The following CNOT1 variants were observed in gnomAD, a reference collection of about 807,000 sequenced individuals.
CNOT1 encodes the protein CCR4-associated factor 1.
A neutral mutation model predicts 273.8 loss-of-function variants in CNOT1; 15 were observed. That is an observed-to-expected ratio of 0.05 (90% CI 0.04 to 0.08). The LOEUF is 0.08. Ranked by LOEUF, CNOT1 falls within the 10% of genes least tolerant of loss-of-function variation. The probability of loss-of-function intolerance (pLI) is 1.00; values close to 1 mark genes in which losing one functional copy is unlikely to be tolerated. For synonymous variants in CNOT1, 1,022 were observed against 1,005.5 expected, an observed-to-expected ratio of 1.02 and a Z score of -0.31; for missense variants, 1,644 against 2,912.2, an observed-to-expected ratio of 0.56 and a Z score of 10.02.
At chr16:58,539,607 GACT>G (rs1385799566) in intron 35 of CNOT1, among the ~76,000 whole-genome samples, 158 bp downstream of exon 35, 1 of 138,952 alleles carries the variant, frequency 7.2e-6, no homozygotes, top group Non-Finnish European at 1.5e-5. Context: ...AAACTGCCAT[GACT>G]ACATTCTACG....
chr16:58,621,637 G>C (rs540485828), intron 1 of CNOT1, among the ~76,000 whole-genome samples: 2 of 150,908 alleles, frequency 1.3e-5, no homozygotes, highest in South Asian at 4.2e-4. Flanking sequence ...ACACCACCAT[G>C]GCCGGGCATG....
chr16:58,577,091 CTT>C (rs11287356), intron 13 of CNOT1, among the ~76,000 whole-genome samples: 1,689 of 147,676 alleles, frequency 0.011, 18 homozygotes, highest in Middle Eastern at 0.042. Flanking sequence ...AATTCCATTT[CTT>C]TTTTTTTTTT....
chr16:58,555,738 A>C, intron 20 of CNOT1, 46 bp downstream of exon 20: 1 of 1,607,908 alleles, frequency 6.2e-7, no homozygotes, highest in Non-Finnish European at 8.5e-7. Flanking sequence ...ACATTTATTT[A>C]AGACTGGCCT....
Position 58,601,734 on chromosome 16 carries a change from T to TAAAAAAAAAAAAAAAAA in CNOT1, c.-174-2240_-174-2224dup, listed in dbSNP as rs66711143. 2.6e-4 allele frequency among the ~76,000 whole-genome samples: 24 copies of TAAAAAAAAAAAAAAAAA among 91,510 alleles called. 3 individuals carry two copies. The highest frequency in any genetic ancestry group is 4.5e-4 in the Non-Finnish European group (20 of 44,836). The allele number at this position is 91,510 out of a possible 152,430, so 60.0% of individuals were successfully genotyped here. A position where few individuals can be genotyped will look rare whatever the true frequency, so the allele number is the denominator to read the frequency against. The stretch of plus-strand genomic sequence containing the variant: ...ATATGCTAGTGCTCCATACCCACCT[T>TAAAAAAAAAAAAAAAAA]AAAAAAAAAAAAAAAAAAAAGCCTG... On this transcript the variant is annotated intron_variant, in intron 1 of 48. Transcript: ENST00000317147.
chr16:58,610,532 C>T (rs540080039), intron 1 of CNOT1, among the ~76,000 whole-genome samples: 17 of 152,122 alleles, frequency 1.1e-4, no homozygotes, highest in Non-Finnish European at 1.9e-4. Flanking sequence ...GGTGAAATTC[C>T]GTCTCTACTA....
chr16:58,539,492 CAG>C lies in CNOT1; in HGVS notation c.4992+274_4992+275del, dbSNP rs1491228043. Among the ~76,000 whole-genome samples, 34 of 151,404 alleles carry C rather than the reference CAG, an allele frequency of 2.2e-4. 1 individual carries two copies. The highest frequency in any genetic ancestry group is 7.5e-4 in the African/African-American group (31 of 41,170). On this transcript the variant is annotated intron_variant, in intron 35 of 48. Coordinates refer to ENST00000317147, the MANE Select transcript of CNOT1 (RefSeq NM_016284.5). The stretch of plus-strand genomic sequence containing the variant: ...ACACACACACACACACACACACACA[CAG>C]ACACACACACCCCTCTAAAGGGCTA...
At chr16:58,594,379 G>A (rs2042174888) in intron 2 of CNOT1, among the ~76,000 whole-genome samples, 1 of 152,176 alleles carries the variant, frequency 6.6e-6, no homozygotes, top group South Asian at 2.1e-4. Context: ...AGACAGAGAA[G>A]GAAAAGGAAA....
intron 31 of CNOT1, chr16:58,543,371 G>T (rs2040155625): frequency 6.5e-7 from 1 of 1,544,118 alleles, no homozygotes; most frequent in Non-Finnish European, 8.7e-7. Context: ...AAATATTTGG[G>T]TATCTACTAT....
At chr16:58,549,397 T>C (rs754726337) in intron 25 of CNOT1, among the ~76,000 whole-genome samples, 9 of 150,860 alleles carry the variant, frequency 6.0e-5, no homozygotes, top group Non-Finnish European at 1.0e-4. Flanking sequence ...GAAAAGGATG[T>C]ACAGAGGGCG....
rs779953502 is a variant in CNOT1 at position 58,583,131 on chromosome 16, T to G, written c.858A>C (p.Thr286=). ...IIVQFGVREV[T]AAQVARVLGM... ...CCAAAACCCTTGCAACCTGGGCAGC[T>G]GTGACCTCCCGAACACCAAACTGCA... Residue 286 remains threonine (T), a synonymous_variant, in exon 9 of 49, where the codon ACA becomes ACC. Transcript: ENST00000317147. The G allele has an allele frequency of 6.2e-7, 1 of 1,614,094 alleles. No individual in the cohort carries two copies. Among genetic ancestry groups the G allele is most frequent in the Admixed American group, 1.7e-5 (1 of 60,024 alleles).
Position 58,551,797 on chromosome 16 carries a change from G to A in CNOT1, c.2993C>T (p.Ser998Phe). 1 of 1,614,170 alleles carries A rather than the reference G, an allele frequency of 6.2e-7. No individual in the cohort carries two copies. Among genetic ancestry groups the A allele is most frequent in the Non-Finnish European group, 8.5e-7 (1 of 1,180,018 alleles). The stretch of plus-strand genomic sequence containing the variant: ...TTGCATTTTCACAGGAGGATCTCTA[G>A]ACTGCTGTCCATACTCAATATACTA... The part of the protein sequence containing the change: ...LQEYIEYGQQ[S>F]RDPPVKMQGS... The change falls in exon 23 of 49, where the codon TCT becomes TTT. Residue 998 changes from serine (S) to phenylalanine (F), a missense_variant. Ser to Phe is a radical substitution (Grantham distance 155). This residue lies in a region of CNOT1 where 77 missense variants were observed against 90.5 expected (regional missense o/e 0.85). Coordinates refer to ENST00000317147, the MANE Select transcript of CNOT1 (RefSeq NM_016284.5).
intron 1 of CNOT1, among the ~76,000 whole-genome samples, chr16:58,602,846 T>C (rs576517593): frequency 6.6e-6 from 1 of 152,126 alleles, no homozygotes; most frequent in East Asian, 1.9e-4. Context: ...GTGTCCAAAT[T>C]TGTATAATAT....
chr16:58,541,552 TAAG>T lies in CNOT1; in HGVS notation c.4746_4748del (p.Phe1582del). ...TGGGCTGACTTAAGTCATTTGTAGG[TAAG>T]AAGCCAGGAACATTGCGTGCAAACT... is the stretch of plus-strand genomic sequence containing the variant. On this transcript the variant is annotated inframe_deletion, in exon 34 of 49. Transcript: ENST00000317147. 1 of 1,614,098 alleles carries T rather than the reference TAAG, an allele frequency of 6.2e-7. No individual in the cohort carries two copies.
At chr16:58,592,231 T>A (rs1472838011) in intron 2 of CNOT1, among the ~76,000 whole-genome samples, 2 of 152,132 alleles carry the variant, frequency 1.3e-5, no homozygotes, top group Non-Finnish European at 2.9e-5. Flanking sequence ...ATAAAATAGT[T>A]TTAGAAGAAA....
At chr16:58,561,778 A>AT (rs1567408301) in intron 16 of CNOT1, among the ~76,000 whole-genome samples, 1 of 152,194 alleles carries the variant, frequency 6.6e-6, no homozygotes, top group Non-Finnish European at 1.5e-5. Context: ...TTTTTAAAAA[A>AT]TTTTTTAAAC....
At chr16:58,562,659 T>C (rs1231264159) in intron 16 of CNOT1, among the ~76,000 whole-genome samples, 6 of 150,714 alleles carry the variant, frequency 4.0e-5, no homozygotes, top group East Asian at 2.0e-4. Context: ...CCGTCTCTAC[T>C]AAAAATACAA....
intron 43 of CNOT1, among the ~76,000 whole-genome samples, chr16:58,529,557 G>GGT (rs1273090717): frequency 1.3e-5 from 2 of 152,154 alleles, no homozygotes; most frequent in African/African-American, 2.4e-5. Flanking sequence ...CATCAAGGAG[G>GGT]GTGGGTGCAG....
chr16:58,539,990 GAC>G, intron 34 of CNOT1, 31 bp from the exon 35 acceptor site: 4 of 1,578,354 alleles, frequency 2.5e-6, no homozygotes, highest in Non-Finnish European at 3.4e-6. Context: ...ACCAACAAGA[GAC>G]AAAAGAATGT....
chr16:58,607,220 T>C (rs1295043466), intron 1 of CNOT1, among the ~76,000 whole-genome samples: 5 of 152,126 alleles, frequency 3.3e-5, no homozygotes, highest in African/African-American at 1.2e-4. Flanking sequence ...AAGTGTAACA[T>C]ATGGATAGTA....
Sources: allele counts gnomAD v4.1 joint callset (sites outside exome capture counted in the v4.1 genomes callset), GRCh38; gene constraint gnomAD v4.1.1; regional missense constraint gnomAD v4.1.1; transcripts MANE v1.5; gene names NCBI Gene and HGNC (gene_info 2026-07-23, HGNC 2026-07-21).